Variants in MYOM2 observed in about 807,000 individuals in gnomAD.
The protein encoded by MYOM2 is myomesin-2.
MYOM2 carries 254 observed loss-of-function variants against 187.6 expected under a neutral mutation model. The ratio of observed to expected loss-of-function variants is 1.35; its 90% confidence interval spans 1.22 to 1.50. The LOEUF (loss-of-function observed/expected upper bound fraction) is 1.50, where lower values mean the gene tolerates loss of function less well. MYOM2 is among the 40% of genes most tolerant of loss of function. The pLI is 0.00. For missense variants in MYOM2, 2,796 were observed against 1,924.0 expected (o/e 1.45, Z -8.48); for synonymous variants, 981 against 753.8 (o/e 1.30, Z -4.94).
chr8:2,123,380 G>GT lies in MYOM2; in HGVS notation c.3567+16dup. 2.0e-6 allele frequency: 3 copies of GT among 1,492,796 alleles called. No individual in the cohort carries two copies. The highest frequency in any genetic ancestry group is 2.7e-6 in the Non-Finnish European group (3 of 1,113,216). The allele number at this position is 1,492,796 out of a possible 1,614,324, so 92.5% of individuals were successfully genotyped here. On this transcript the variant is annotated intron_variant, in intron 29 of 36. Coordinates refer to ENST00000262113, the MANE Select transcript of MYOM2 (RefSeq NM_003970.4). Reference sequence around the variant, plus strand: ...TCATCCCAAAGGTATCAGGCATTGAGTAACACAAGAAAGCAAAACAAAAAC... The same window carrying GT: ...TCATCCCAAAGGTATCAGGCATTGAGTTAACACAAGAAAGCAAAACAAAAAC...
At chr8:2,140,681 T>G in intron 32 of MYOM2, 42 bp from the exon 33 acceptor site, 1 of 1,602,686 alleles carries the variant, frequency 6.2e-7, no homozygotes, top group Non-Finnish European at 8.5e-7. Flanking sequence ...GCGTGTGACA[T>G]GGAGACCCTA....
intron 16 of MYOM2, among the ~76,000 whole-genome samples, chr8:2,092,770 T>C (rs1585891662): frequency 6.6e-6 from 1 of 152,232 alleles, no homozygotes; most frequent in African/African-American, 2.4e-5. Context: ...CTGTTTTTTT[T>C]TCCCCTGACA....
intron 1 of MYOM2, among the ~76,000 whole-genome samples, chr8:2,048,453 A>G (rs960075878): frequency 6.6e-6 from 1 of 152,258 alleles, no homozygotes; most frequent in African/African-American, 2.4e-5. Context: ...GGAGATTTCA[A>G]ATAGTGAAGC....
intron 27 of MYOM2, among the ~76,000 whole-genome samples, chr8:2,116,810 T>C (rs1206214269): frequency 6.6e-6 from 1 of 152,184 alleles, no homozygotes; most frequent in Non-Finnish European, 1.5e-5. Flanking sequence ...CAGGCTGGAG[T>C]GCGGTGATGC....
rs1247605945 is a variant in MYOM2 at position 2,085,470 on chromosome 8, T to A, written c.1644+80T>A. Reference sequence around the variant, plus strand: ...TCATGATCTCTGCGTGGCCCACCGCTGTCGTGATCTCCGCGTGGCCCCTCA... The same window carrying A: ...TCATGATCTCTGCGTGGCCCACCGCAGTCGTGATCTCCGCGTGGCCCCTCA... On this transcript the variant is annotated intron_variant, in intron 14 of 36. Transcript: ENST00000262113. 203 of 1,512,528 alleles carry A rather than the reference T, an allele frequency of 1.3e-4. 3 individuals are homozygous for A. Among genetic ancestry groups the A allele is most frequent in the Middle Eastern group, 5.9e-4 (3 of 5,082 alleles). The allele number at this position is 1,512,528 out of a possible 1,614,324, so 93.7% of individuals were successfully genotyped here. A position where few individuals can be genotyped will look rare whatever the true frequency, so the allele number is the denominator to read the frequency against.
intron 3 of MYOM2, among the ~76,000 whole-genome samples, chr8:2,052,888 T>A (rs1464873589): frequency 2.0e-5 from 3 of 152,216 alleles, no homozygotes; most frequent in East Asian, 1.9e-4. Flanking sequence ...TGTCATGCTT[T>A]ACATTTCAAC....
chr8:2,062,165 G>C (rs1818870949), intron 6 of MYOM2, among the ~76,000 whole-genome samples: 1 of 152,224 alleles, frequency 6.6e-6, no homozygotes, highest in East Asian at 1.9e-4. Context: ...GGGACAAGCT[G>C]TCACAGGCAT....
chr8:2,125,604 C>CTT (rs35137852), intron 31 of MYOM2, among the ~76,000 whole-genome samples: 5,517 of 89,034 alleles, frequency 0.062, 244 homozygotes, highest in Middle Eastern at 0.12. Flanking sequence ...ATTATTTTTC[C>CTT]TTTTTTTTTT....
chr8:2,100,817 G>A, intron 19 of MYOM2, 59 bp from the exon 20 acceptor site: 1 of 1,577,706 alleles, frequency 6.3e-7, no homozygotes, highest in Non-Finnish European at 8.7e-7. Flanking sequence ...GCTGGGTTGG[G>A]CGGTGGGTGT....
chr8:2,115,886 T>C lies in MYOM2; in HGVS notation c.3181-74T>C, dbSNP rs889443274. ...CCTTGAGATCTCATGGCTGATGCAA[T>C]TGTTAAATGTTGCAAGGGAAAACTA... On this transcript the variant is annotated intron_variant, in intron 25 of 36. Coordinates refer to ENST00000262113, the MANE Select transcript of MYOM2 (RefSeq NM_003970.4). 2.0e-5 allele frequency: 30 copies of C among 1,491,248 alleles called. No homozygotes were observed. The African/African-American group carries it at 3.9e-4, about 20-fold the overall frequency. The allele number at this position is 1,491,248 out of a possible 1,614,324, so 92.4% of individuals were successfully genotyped here.
intron 14 of MYOM2, among the ~76,000 whole-genome samples, chr8:2,087,155 G>A (rs1004620695): frequency 2.6e-5 from 4 of 152,064 alleles, no homozygotes; most frequent in Non-Finnish European, 5.9e-5. Context: ...GGCCATAGTT[G>A]GATAAGACTC....
chr8:2,079,737 C>T lies in MYOM2; in HGVS notation c.1516+124C>T, dbSNP rs1819558085. On this transcript the variant is annotated intron_variant, in intron 13 of 36. Transcript: ENST00000262113. ...CGGCCTCTGCATGGAAAAATGAAAA[C>T]CGCAGGTCAGGCCTGCAAGCCCAGT... 5 of 1,066,242 alleles carry T rather than the reference C, an allele frequency of 4.7e-6. No homozygotes were observed. In the African/African-American group the frequency reaches 6.3e-5, roughly 13 times the overall value. The allele number at this position is 1,066,242 out of a possible 1,614,324, so 66.0% of individuals were successfully genotyped here. A position where few individuals can be genotyped will look rare whatever the true frequency, so the allele number is the denominator to read the frequency against.
Position 2,045,157 on chromosome 8 carries a change from C to A in MYOM2, c.-24C>A, listed in dbSNP as rs1393652477. The A allele has an allele frequency of 1.3e-5, 2 of 152,410 alleles. No homozygotes were observed. The highest frequency in any genetic ancestry group is 2.4e-5 in the African/African-American group (1 of 41,406). 9.4% of individuals were successfully genotyped at this position (152,410 alleles called of 1,614,324 possible). A position where few individuals can be genotyped will look rare whatever the true frequency, so the allele number is the denominator to read the frequency against. ...ATTCTCTCTCCTCCTTGCAATTTTC[C>A]TTTCTGTCTGGGTAAGTGTCTTTCT... On this transcript the variant is annotated 5_prime_UTR_variant, in exon 1 of 37. Transcript: ENST00000262113.
At chr8:2,058,789 G>A (rs571891702) in intron 5 of MYOM2, among the ~76,000 whole-genome samples, 3 of 152,140 alleles carry the variant, frequency 2.0e-5, no homozygotes, top group Non-Finnish European at 2.9e-5. Context: ...CAGTGCGTTA[G>A]GTCCCGCAGA....
chr8:2,053,063 G>A (rs1818545630), intron 3 of MYOM2, among the ~76,000 whole-genome samples: 1 of 152,110 alleles, frequency 6.6e-6, no homozygotes, highest in Non-Finnish European at 1.5e-5. Flanking sequence ...TTTTATACCT[G>A]CTGTATTTTT....
chr8:2,140,581 C>T (rs62501378), intron 32 of MYOM2, 142 bp from the exon 33 acceptor site: 25 of 738,604 alleles, frequency 3.4e-5, no homozygotes, highest in South Asian at 7.3e-5. Flanking sequence ...TCAATACATT[C>T]GTAACAGCCA....
At chr8:2,143,225 G>T in intron 35 of MYOM2, 176 bp from the exon 36 acceptor site, 1 of 706,380 alleles carries the variant, frequency 1.4e-6, no homozygotes. Flanking sequence ...ACCTTCCCTT[G>T]GCTTTGGTTT....
At chr8:2,047,548 G>A (rs1267057239) in intron 1 of MYOM2, among the ~76,000 whole-genome samples, 1 of 152,164 alleles carries the variant, frequency 6.6e-6, no homozygotes, top group Admixed American at 6.5e-5. Flanking sequence ...GAAATCCAAG[G>A]GTTCTGATTT....
intron 32 of MYOM2, among the ~76,000 whole-genome samples, chr8:2,135,105 A>T (rs7462077): frequency 6.6e-6 from 1 of 152,178 alleles, no homozygotes; most frequent in African/African-American, 2.4e-5. Context: ...CTGAGCTGTA[A>T]AGCCTGGCTC....
Sources: gnomAD v4.1 joint callset for allele counts (sites outside exome capture counted in the v4.1 genomes callset) on GRCh38, gnomAD v4.1.1 for gene constraint, MANE v1.5 for transcripts, NCBI Gene and HGNC (gene_info 2026-07-23, HGNC 2026-07-21) for gene names.